PLBD1: variants seen among roughly 807,000 people sequenced by gnomAD.
PLBD1 encodes lysosomal leucine aminopeptidase.
Under a neutral mutation model 63.0 loss-of-function variants are expected in PLBD1, and 60 were observed. The observed-to-expected ratio is 0.95, with a 90% CI of 0.77 to 1.18. The LOEUF (loss-of-function observed/expected upper bound fraction) is 1.18. PLBD1 is among the 50% of genes most tolerant of loss of function. The pLI is 0.00. For synonymous variants in PLBD1, 262 were observed against 248.0 expected, an observed-to-expected ratio of 1.06 and a Z score of -0.53; for missense variants, 598 against 677.9, an observed-to-expected ratio of 0.88 and a Z score of 1.31.
At chr12:14,532,688 C>T (rs921081440) in intron 6 of PLBD1, among the ~76,000 whole-genome samples, 1 of 152,190 alleles carries the variant, frequency 6.6e-6, no homozygotes, top group Non-Finnish European at 1.5e-5. Flanking sequence ...GAAGAGCCCC[C>T]AGATAGGGAG....
chr12:14,555,888 A>C (rs1162469403), intron 1 of PLBD1, among the ~76,000 whole-genome samples: 1 of 152,192 alleles, frequency 6.6e-6, no homozygotes. Context: ...TGTAACTTAC[A>C]TGCTTGCCCC....
chr12:14,516,688 T>C (rs775381475), intron 6 of PLBD1, among the ~76,000 whole-genome samples: 4 of 152,082 alleles, frequency 2.6e-5, no homozygotes, highest in Non-Finnish European at 4.4e-5. Flanking sequence ...CACTTATAGA[T>C]CATTAAGCTT....
intron 1 of PLBD1, among the ~76,000 whole-genome samples, chr12:14,557,269 A>G (rs1310329168): frequency 6.6e-6 from 1 of 152,154 alleles, no homozygotes; most frequent in East Asian, 1.9e-4. Flanking sequence ...TCAAAGACCT[A>G]AAAACAGAAA....
chr12:14,540,041 T>TACACAC (rs1565577585), intron 4 of PLBD1, among the ~76,000 whole-genome samples: 6 of 52,458 alleles, frequency 1.1e-4, no homozygotes, highest in African/African-American at 3.0e-4. Flanking sequence ...TATATATATA[T>TACACAC]ATATATATAT....
chr12:14,521,677 T>C lies in PLBD1; in HGVS notation c.845-9966A>G, dbSNP rs180685530. Among the ~76,000 whole-genome samples the C allele has an allele frequency of 2.0e-3, 309 of 152,122 alleles. 2 individuals are homozygous for C. The highest frequency in any genetic ancestry group is 7.2e-3 in the African/African-American group (298 of 41,504). On this transcript the variant is annotated intron_variant, in intron 6 of 10. Coordinates refer to ENST00000240617, the MANE Select transcript of PLBD1 (RefSeq NM_024829.6). Reference sequence around the variant, plus strand: ...ATCTTTTCCTATGATAACAACTCTATACAACTGGAAGAGGCATCCATTCTA... The same window carrying C: ...ATCTTTTCCTATGATAACAACTCTACACAACTGGAAGAGGCATCCATTCTA...
At chr12:14,516,958 G>C (rs1051088861) in intron 6 of PLBD1, among the ~76,000 whole-genome samples, 1 of 152,072 alleles carries the variant, frequency 6.6e-6, no homozygotes, top group Non-Finnish European at 1.5e-5. Context: ...AGAATCGCTT[G>C]AACCTGGGAG....
At chr12:14,544,020 A>ATTGCTGATGATCAGCAATACGC (rs1555147452) in intron 2 of PLBD1, among the ~76,000 whole-genome samples, 1 of 151,684 alleles carries the variant, frequency 6.6e-6, no homozygotes, top group East Asian at 2.0e-4. Flanking sequence ...TTCTGACACT[A>ATTGCTGATGATCAGCAATACGC]TTGCTGATGA....
intron 6 of PLBD1, among the ~76,000 whole-genome samples, chr12:14,515,308 T>C (rs941671338): frequency 6.6e-6 from 1 of 152,022 alleles, no homozygotes; most frequent in Non-Finnish European, 1.5e-5. Flanking sequence ...CACATCCTGA[T>C]TTAGGTGGGG....
intron 8 of PLBD1, among the ~76,000 whole-genome samples, chr12:14,508,791 G>A (rs1275544639): frequency 5.9e-5 from 9 of 151,882 alleles, no homozygotes; most frequent in African/African-American, 2.2e-4. Flanking sequence ...AGAAAATAGA[G>A]CAGCTTGTTT....
chr12:14,511,651 G>C lies in PLBD1; in HGVS notation c.905C>G (p.Thr302Ser). 6.2e-7 allele frequency: 1 copy of C among 1,614,158 alleles called. No homozygotes were observed. The highest frequency in any genetic ancestry group is 8.5e-7 in the Non-Finnish European group (1 of 1,180,030). Residue 302 changes from threonine to serine, a missense_variant, in exon 7 of 11, where the codon ACC (threonine) becomes AGC (serine). Physicochemically the swap from Thr to Ser is moderately conservative, Grantham distance 58. Coordinates refer to ENST00000240617, the MANE Select transcript of PLBD1 (RefSeq NM_024829.6). ...ILSSGLILLQ[T>S]TNSVFNKTLL... ...GGTTTTATTAAACACACTGTTTGTGGTCTGCAGCAATATCAATCCACTGCT... is the reference window on the plus strand; with the variant it reads ...GGTTTTATTAAACACACTGTTTGTGCTCTGCAGCAATATCAATCCACTGCT...
intron 4 of PLBD1, among the ~76,000 whole-genome samples, chr12:14,537,279 C>T (rs1196703825): frequency 6.6e-6 from 1 of 152,006 alleles, no homozygotes; most frequent in Admixed American, 6.6e-5. Context: ...TTTCTGTTTG[C>T]ACTCTACAGC....
intron 6 of PLBD1, among the ~76,000 whole-genome samples, chr12:14,517,807 T>C (rs1472702579): frequency 3.9e-5 from 6 of 152,212 alleles, no homozygotes; most frequent in Non-Finnish European, 8.8e-5. Context: ...GAAAATACAA[T>C]ACTAGAAGTT....
intron 6 of PLBD1, 58 bp from the exon 7 acceptor site, chr12:14,511,769 A>AT: frequency 6.7e-7 from 1 of 1,496,438 alleles, no homozygotes. Context: ...GTGAACCATC[A>AT]TTATTGACAA....
At chr12:14,566,044 C>A (rs1478693936) in intron 1 of PLBD1, among the ~76,000 whole-genome samples, 10 of 152,134 alleles carry the variant, frequency 6.6e-5, no homozygotes, top group Admixed American at 6.5e-4. Flanking sequence ...CCTCAGGCTG[C>A]CCCCTCCACC....
intron 6 of PLBD1, 83 bp downstream of exon 6, chr12:14,535,576 C>T (rs963915451): frequency 2.1e-5 from 30 of 1,426,140 alleles, no homozygotes; most frequent in Non-Finnish European, 2.8e-5. Context: ...ATTTCTTCTC[C>T]CATTGCAGTT....
chr12:14,509,626 A>T (rs1945281115), intron 8 of PLBD1, among the ~76,000 whole-genome samples: 1 of 152,052 alleles, frequency 6.6e-6, no homozygotes, highest in Admixed American at 6.6e-5. Context: ...GACAAGGCTC[A>T]CTCTAGGCAT....
chr12:14,566,794 TAAA>T (rs34908327), intron 1 of PLBD1, among the ~76,000 whole-genome samples: 2 of 138,642 alleles, frequency 1.4e-5, no homozygotes, highest in Non-Finnish European at 3.1e-5. Flanking sequence ...GATTATATAT[TAAA>T]AAAAAAAAAA....
chr12:14,533,412 A>G (rs1372052990), intron 6 of PLBD1, among the ~76,000 whole-genome samples: 2 of 152,228 alleles, frequency 1.3e-5, no homozygotes, highest in Non-Finnish European at 2.9e-5. Context: ...AGCTCTACAT[A>G]TTATCTATGA....
At chr12:14,551,703 TCA>T (rs36034186) in intron 2 of PLBD1, among the ~76,000 whole-genome samples, 137,966 of 152,124 alleles carry the variant, frequency 0.91, 63,595 homozygotes, top group East Asian at 0.99. Flanking sequence ...TTTCTGCAAA[TCA>T]CAGTTTCCAT....
Sources: gnomAD v4.1 joint callset for allele counts (sites outside exome capture counted in the v4.1 genomes callset) on GRCh38, gnomAD v4.1.1 for gene constraint, MANE v1.5 for transcripts, NCBI Gene and HGNC (gene_info 2026-07-23, HGNC 2026-07-21) for gene names.